Variants in SLC24A3 observed in about 807,000 individuals in gnomAD.
The protein encoded by SLC24A3 is solute carrier family 24 member 3.
SLC24A3 carries 28 observed loss-of-function variants against 75.8 expected under a neutral mutation model. The observed-to-expected ratio is 0.37, with a 90% CI of 0.27 to 0.51. The LOEUF (loss-of-function observed/expected upper bound fraction) is 0.51. Among genes scored for constraint, SLC24A3 ranks in the 20% least tolerant of loss-of-function variants. SLC24A3 has a pLI of 0.94. For synonymous variants in SLC24A3, 372 were observed against 334.1 expected, an observed-to-expected ratio of 1.11 and a Z score of -1.24; for missense variants, 663 against 847.8, an observed-to-expected ratio of 0.78 and a Z score of 2.71.
intron 2 of SLC24A3, among the ~76,000 whole-genome samples, chr20:19,400,832 G>A (rs1986539080): frequency 6.6e-6 from 1 of 152,124 alleles, no homozygotes; most frequent in Non-Finnish European, 1.5e-5. Flanking sequence ...GGGGATCACT[G>A]CCCTTTTGTG....
chr20:19,603,972 C>T (rs894734860), intron 6 of SLC24A3, among the ~76,000 whole-genome samples: 6 of 152,156 alleles, frequency 3.9e-5, no homozygotes, highest in African/African-American at 1.4e-4. Context: ...CATGCTACTA[C>T]ATCATGAAAG....
At chr20:19,308,699 G>A (rs1011572488) in intron 2 of SLC24A3, among the ~76,000 whole-genome samples, 1 of 152,146 alleles carries the variant, frequency 6.6e-6, no homozygotes, top group African/African-American at 2.4e-5. Context: ...ATACTAAACG[G>A]GGTTGCAGGA....
At position 19,296,801 on chromosome 20, in the gene SLC24A3, T is replaced by C. The variant is rs557319092; in HGVS notation, c.271+15714T>C. Reference sequence around the variant, plus strand: ...AAAACAACAGATTATACATTCTTCTTGGAGCCACGTGGCACTTACTTTAAA... The same window carrying C: ...AAAACAACAGATTATACATTCTTCTCGGAGCCACGTGGCACTTACTTTAAA... On this transcript the variant is annotated intron_variant, in intron 2 of 16. Coordinates refer to ENST00000328041, the MANE Select transcript of SLC24A3 (RefSeq NM_020689.4). 2.6e-5 allele frequency among the ~76,000 whole-genome samples: 4 copies of C among 152,332 alleles called. No individual in the cohort carries two copies. In the South Asian group the frequency reaches 8.3e-4, roughly 32 times the overall value.
chr20:19,424,745 CAAAAAAAAAA>C (rs528342351), intron 2 of SLC24A3, among the ~76,000 whole-genome samples: 4 of 49,160 alleles, frequency 8.1e-5, no homozygotes, highest in Non-Finnish European at 1.1e-4. Context: ...AAAACAACAA[CAAAAAAAAAA>C]AAAAAAAAAA....
chr20:19,702,543 A>G (rs1169238580), intron 15 of SLC24A3, among the ~76,000 whole-genome samples: 1 of 151,992 alleles, frequency 6.6e-6, no homozygotes, highest in African/African-American at 2.4e-5. Context: ...CTCTTGGGGG[A>G]GACTTGGTTA....
chr20:19,378,078 C>G (rs1600455117), intron 2 of SLC24A3, among the ~76,000 whole-genome samples: 1 of 152,126 alleles, frequency 6.6e-6, no homozygotes, highest in East Asian at 1.9e-4. Flanking sequence ...ACATTCATTT[C>G]TTTTTGGAAC....
At chr20:19,422,239 G>T (rs1471183653) in intron 2 of SLC24A3, among the ~76,000 whole-genome samples, 1 of 152,146 alleles carries the variant, frequency 6.6e-6, no homozygotes, top group South Asian at 2.1e-4. Flanking sequence ...AGACCATCTT[G>T]GCCACAGTGC....
chr20:19,239,310 C>G lies in SLC24A3; in HGVS notation c.142+26326C>G, dbSNP rs112217523. On this transcript the variant is annotated intron_variant, in intron 1 of 16. Coordinates refer to ENST00000328041, the MANE Select transcript of SLC24A3 (RefSeq NM_020689.4). ...CCTCAGATAAAAGCAACAGGTGATG[C>G]GTTTTCTAAATAGTGCATTGCCTTT... Among the ~76,000 whole-genome samples the G allele has an allele frequency of 8.9e-3, 1,362 of 152,192 alleles. 19 individuals carry two copies. Among genetic ancestry groups the G allele is most frequent in the African/African-American group, 0.03 (1,243 of 41,488 alleles).
chr20:19,652,960 A>G (rs1027541736), intron 6 of SLC24A3, among the ~76,000 whole-genome samples: 7 of 152,222 alleles, frequency 4.6e-5, no homozygotes, highest in Non-Finnish European at 1.0e-4. Context: ...GCCATGGGGT[A>G]GTCGATACTC....
intron 3 of SLC24A3, among the ~76,000 whole-genome samples, chr20:19,557,436 C>T (rs2030806292): frequency 6.6e-6 from 1 of 152,164 alleles, no homozygotes; most frequent in South Asian, 2.1e-4. Flanking sequence ...TTTCATCCCC[C>T]AGTGTCAGTT....
intron 2 of SLC24A3, among the ~76,000 whole-genome samples, chr20:19,469,323 G>A (rs895766371): frequency 6.6e-6 from 1 of 152,128 alleles, no homozygotes. Flanking sequence ...GGCAGCAGTG[G>A]GGAGCTTTGA....
intron 6 of SLC24A3, among the ~76,000 whole-genome samples, chr20:19,631,890 G>C (rs1397966501): frequency 6.6e-6 from 1 of 151,884 alleles, no homozygotes; most frequent in Non-Finnish European, 1.5e-5. Context: ...ATGTGAGTCT[G>C]GCTCTGACTC....
chr20:19,213,074 C>T (rs1981451809), intron 1 of SLC24A3, 90 bp downstream of exon 1: 18 of 1,129,018 alleles, frequency 1.6e-5, no homozygotes, highest in Non-Finnish European at 2.0e-5. Flanking sequence ...TCGGGCGGCC[C>T]GGCCGGAGCC....
intron 1 of SLC24A3, among the ~76,000 whole-genome samples, chr20:19,273,461 G>A (rs1356875144): frequency 2.6e-5 from 4 of 152,106 alleles, no homozygotes; most frequent in Admixed American, 6.6e-5. Context: ...TCTCTGTGCC[G>A]CCAGCCCAGC....
At chr20:19,413,863 A>T (rs1325823906) in intron 2 of SLC24A3, among the ~76,000 whole-genome samples, 1 of 152,020 alleles carries the variant, frequency 6.6e-6, no homozygotes, top group African/African-American at 2.4e-5. Flanking sequence ...ATGTTATCTC[A>T]TGAGCAAAAT....
At position 19,558,907 on chromosome 20, in the gene SLC24A3, C is replaced by T. The variant is rs189985836; in HGVS notation, c.349-21093C>T. Among the ~76,000 whole-genome samples the T allele has an allele frequency of 4.7e-4, 71 of 152,198 alleles. No individual in the cohort carries two copies. In the Middle Eastern group the frequency reaches 0.01, roughly 22 times the overall value. On this transcript the variant is annotated intron_variant, in intron 3 of 16. Coordinates refer to ENST00000328041, the MANE Select transcript of SLC24A3 (RefSeq NM_020689.4). ...CTAATTGATAAACATCTGGATTGCTCCTGGTTTGGGGGTATTATGAATAAA... is the reference window on the plus strand; with the variant it reads ...CTAATTGATAAACATCTGGATTGCTTCTGGTTTGGGGGTATTATGAATAAA...
At chr20:19,438,681 C>T (rs997518659) in intron 2 of SLC24A3, among the ~76,000 whole-genome samples, 9 of 148,834 alleles carry the variant, frequency 6.0e-5, no homozygotes, top group African/African-American at 2.2e-4. Context: ...CCTCTGCACC[C>T]AGCATCCCCA....
chr20:19,334,383 A>T (rs1568592387), intron 2 of SLC24A3, among the ~76,000 whole-genome samples: 1 of 117,836 alleles, frequency 8.5e-6, no homozygotes, highest in Non-Finnish European at 1.5e-5. Flanking sequence ...TAAAAAAAAT[A>T]AAGAGTGCTA....
chr20:19,215,544 G>A (rs773597156), intron 1 of SLC24A3, among the ~76,000 whole-genome samples: 12 of 152,024 alleles, frequency 7.9e-5, no homozygotes, highest in Non-Finnish European at 1.5e-4. Context: ...TCAGAAGCTC[G>A]TTTTCTAACA....
Sources: allele counts gnomAD v4.1 joint callset (sites outside exome capture counted in the v4.1 genomes callset), GRCh38; gene constraint gnomAD v4.1.1; transcripts MANE v1.5; gene names NCBI Gene and HGNC (gene_info 2026-07-23, HGNC 2026-07-21).